Variants in TOP1 observed in about 807,000 individuals in gnomAD.
The protein encoded by TOP1 is DNA topoisomerase I.
Under a neutral mutation model 111.1 loss-of-function variants are expected in TOP1, and 10 were observed. The observed-to-expected ratio is 0.09, with a 90% CI of 0.06 to 0.15. The LOEUF (loss-of-function observed/expected upper bound fraction) is 0.15. Ranked by LOEUF, TOP1 falls within the 10% of genes least tolerant of loss-of-function variation. The pLI is 1.00. For synonymous variants in TOP1, 271 were observed against 302.9 expected (o/e 0.89, Z 1.10); for missense variants, 474 against 926.7 (o/e 0.51, Z 6.34).
At chr20:41,039,040 C>T (rs775778851) in intron 2 of TOP1, among the ~76,000 whole-genome samples, 27 of 151,930 alleles carry the variant, frequency 1.8e-4, no homozygotes, top group Non-Finnish European at 3.7e-4. Context: ...TTAACTTTCT[C>T]CTTTCACACT....
chr20:41,106,954 C>G lies in TOP1; in HGVS notation c.1308+5601C>G, dbSNP rs1294123435. On this transcript the variant is annotated intron_variant, in intron 13 of 20. Transcript: ENST00000361337. This position sits in a 1 kb window ranked among gnomAD's most constrained non-coding sequence, Gnocchi z 4.3. ...AAACCCTAACCCTTTCCCTAGTCAA[C>G]AGCAGTCACAGCCAAATGTTTTATT... Among the ~76,000 whole-genome samples the G allele has an allele frequency of 6.6e-6, 1 of 152,154 alleles. No homozygotes were observed. Among genetic ancestry groups the G allele is most frequent in the Non-Finnish European group, 1.5e-5 (1 of 68,016 alleles).
At position 41,040,934 on chromosome 20, in the gene TOP1, CATTTTACTACAT is replaced by C. The variant is rs1038545173; in HGVS notation, c.58+11485_58+11496del. ...TAGCTAGGTATACTCAATACTTCTCCATTTTACTACATATTTTTAGGAAGGCACTAGGTATTG... is the reference window on the plus strand; with the variant it reads ...TAGCTAGGTATACTCAATACTTCTCCATTTTTAGGAAGGCACTAGGTATTG... On this transcript the variant is annotated intron_variant, in intron 2 of 20. Transcript: ENST00000361337. Among the ~76,000 whole-genome samples the C allele has an allele frequency of 1.7e-4, 26 of 152,116 alleles. No individual in the cohort carries two copies. In the South Asian group the frequency reaches 2.7e-3, roughly 16 times the overall value.
In TOP1 at chr20:41,029,028, G is replaced by T; in HGVS notation, c.-40G>T. On this transcript the variant is annotated 5_prime_UTR_variant, in exon 1 of 21. Transcript: ENST00000361337. This position sits in a 1 kb window ranked among gnomAD's most constrained non-coding sequence, Gnocchi z 6.1. ...GGTTCGCCGTCTGCGTCTCCCCCACGCCGCCTCGCCTGCCGCCGCGCTCGT... is the reference window on the plus strand; with the variant it reads ...GGTTCGCCGTCTGCGTCTCCCCCACTCCGCCTCGCCTGCCGCCGCGCTCGT... 1 of 1,534,996 alleles carries T rather than the reference G, an allele frequency of 6.5e-7. No individual in the cohort carries two copies.
rs368460794 is a variant in TOP1, at chr20:41,052,890, T to C, written c.59-8504T>C. On this transcript the variant is annotated intron_variant, in intron 2 of 20. Coordinates refer to ENST00000361337, the MANE Select transcript of TOP1 (RefSeq NM_003286.4). Reference sequence around the variant, plus strand: ...CTGTAATCCCAGCTACTCGGGAGCCTGAGGCAGGAGAATCTCTTGAACCTG... The same window carrying C: ...CTGTAATCCCAGCTACTCGGGAGCCCGAGGCAGGAGAATCTCTTGAACCTG... 3.5e-4 allele frequency among the ~76,000 whole-genome samples: 53 copies of C among 152,202 alleles called. 1 individual carries two copies. The East Asian group carries it at 4.8e-3, about 14-fold the overall frequency.
chr20:41,113,051 C>G, intron 14 of TOP1, 126 bp downstream of exon 14: 1 of 1,022,080 alleles, frequency 9.8e-7, no homozygotes, highest in Non-Finnish European at 1.4e-6. Flanking sequence ...GTATGTAAAA[C>G]TGAATCAAAA....
In TOP1 at chr20:41,032,597, G is replaced by A. The variant is rs2033134627; in HGVS notation, c.58+3142G>A. 6.6e-6 allele frequency among the ~76,000 whole-genome samples: 1 copy of A among 152,190 alleles called. No individual in the cohort carries two copies. The highest frequency in any genetic ancestry group is 1.5e-5 in the Non-Finnish European group (1 of 68,030). On this transcript the variant is annotated intron_variant, in intron 2 of 20. Transcript: ENST00000361337. The surrounding 1 kb of genome is among the most constrained non-coding windows in gnomAD (Gnocchi z 4.3). The stretch of plus-strand genomic sequence containing the variant: ...TGCCTGTCTGCTATGGAGATAGGGA[G>A]TTCTCCCCCATTTGACCCCCTTAGC...
chr20:41,077,431 C>T (rs991215117), intron 4 of TOP1, 151 bp from the exon 5 acceptor site: 4 of 608,638 alleles, frequency 6.6e-6, no homozygotes, highest in African/African-American at 1.9e-5. Flanking sequence ...GGACACATTT[C>T]AGGACCTTTA....
In TOP1 at chr20:41,061,618, C is replaced by T. The variant is rs552635808; in HGVS notation, c.155+128C>T. 14 of 786,138 alleles carry T rather than the reference C, an allele frequency of 1.8e-5. No homozygotes were observed. Among genetic ancestry groups the T allele is most frequent in the Non-Finnish European group, 2.6e-5 (13 of 496,188 alleles). 48.7% of individuals were successfully genotyped at this position (786,138 alleles called of 1,614,324 possible). A position where few individuals can be genotyped will look rare whatever the true frequency, so the allele number is the denominator to read the frequency against. On this transcript the variant is annotated intron_variant, in intron 3 of 20. Coordinates refer to ENST00000361337, the MANE Select transcript of TOP1 (RefSeq NM_003286.4). The surrounding 1 kb of genome is among the most constrained non-coding windows in gnomAD (Gnocchi z 4.6). ...AAAGTAAGTAGAAACTGTATTTGAT[C>T]CTAGAGTTGCTATGAGGATGGCCAT...
Position 41,032,905 on chromosome 20 carries a change from T to C in TOP1, c.58+3450T>C, listed in dbSNP as rs1224895750. Among the ~76,000 whole-genome samples, 1 of 152,168 alleles carries C rather than the reference T, an allele frequency of 6.6e-6. No individual in the cohort carries two copies. Among genetic ancestry groups the C allele is most frequent in the East Asian group, 1.9e-4 (1 of 5,198 alleles). ...CTACATTTTTAAAACTGAAAAGTGA[T>C]GGTACCGCCAAATGAAATCTGCAGC... On this transcript the variant is annotated intron_variant, in intron 2 of 20. Transcript: ENST00000361337. The surrounding 1 kb of genome is among the most constrained non-coding windows in gnomAD (Gnocchi z 4.3).
chr20:41,087,236 A>G (rs1003146643), intron 8 of TOP1, among the ~76,000 whole-genome samples: 4 of 152,176 alleles, frequency 2.6e-5, no homozygotes, highest in Admixed American at 6.5e-5. Flanking sequence ...CCATAGAAAC[A>G]TTGTTATAAG....
At chr20:41,113,027 A>G in intron 14 of TOP1, 102 bp downstream of exon 14, 3 of 1,182,728 alleles carry the variant, frequency 2.5e-6, no homozygotes, top group Non-Finnish European at 3.5e-6. Context: ...TCACAACTCA[A>G]CATACATATA....
chr20:41,033,363 AAAAAG>A (rs1413202545), intron 2 of TOP1, among the ~76,000 whole-genome samples: 1 of 152,042 alleles, frequency 6.6e-6, no homozygotes, highest in Non-Finnish European at 1.5e-5. Flanking sequence ...AAAAAAAAAA[AAAAAG>A]GAATTGAGTC....
At chr20:41,035,486 A>G (rs1353554982) in intron 2 of TOP1, among the ~76,000 whole-genome samples, 1 of 152,240 alleles carries the variant, frequency 6.6e-6, no homozygotes, top group Non-Finnish European at 1.5e-5. Flanking sequence ...TAAAGCAATC[A>G]GTATTTTTAG....
At chr20:41,099,449 C>T (rs2034028208) in intron 11 of TOP1, among the ~76,000 whole-genome samples, 1 of 152,050 alleles carries the variant, frequency 6.6e-6, no homozygotes, top group Non-Finnish European at 1.5e-5. Flanking sequence ...GAATCTGTTC[C>T]CACCCACAAG....
At chr20:41,119,983 C>T (rs895155638) in intron 18 of TOP1, among the ~76,000 whole-genome samples, 1 of 152,230 alleles carries the variant, frequency 6.6e-6, no homozygotes, top group Non-Finnish European at 1.5e-5. Context: ...TTGTTGCTCT[C>T]GCTCTGGAAC....
rs1464327481 is a variant in TOP1 at position 41,110,213 on chromosome 20, G to C, written c.1309-2569G>C. Among the ~76,000 whole-genome samples, 1 of 152,110 alleles carries C rather than the reference G, an allele frequency of 6.6e-6. No homozygotes were observed. Among genetic ancestry groups the C allele is most frequent in the Non-Finnish European group, 1.5e-5 (1 of 68,016 alleles). ...GACATGGGAATCGCTTGAACCTGAGGGGTAGAGGTTGCACTGAGCCGAGAT... is the reference window on the plus strand; with the variant it reads ...GACATGGGAATCGCTTGAACCTGAGCGGTAGAGGTTGCACTGAGCCGAGAT... On this transcript the variant is annotated intron_variant, in intron 13 of 20. Transcript: ENST00000361337. This position sits in a 1 kb window ranked among gnomAD's most constrained non-coding sequence, Gnocchi z 4.2.
chr20:41,053,787 T>G (rs1003388063), intron 2 of TOP1, among the ~76,000 whole-genome samples: 1 of 152,222 alleles, frequency 6.6e-6, no homozygotes, highest in Admixed American at 6.5e-5. Context: ...TTCTGCCTCC[T>G]TTGTTTCCCT....
chr20:41,095,461 T>G lies in TOP1; in HGVS notation c.731-1759T>G, dbSNP rs138649428. Among the ~76,000 whole-genome samples the G allele has an allele frequency of 3.3e-4, 51 of 152,338 alleles. No individual in the cohort carries two copies. The East Asian group carries it at 9.6e-3, about 29-fold the overall frequency. ...TTATATTGGAAACATGTTACAGTTT[T>G]CTAAAGAAGTTCAGGGAATCTTTTA... On this transcript the variant is annotated intron_variant, in intron 9 of 20. Coordinates refer to ENST00000361337, the MANE Select transcript of TOP1 (RefSeq NM_003286.4). This position sits in a 1 kb window ranked among gnomAD's most constrained non-coding sequence, Gnocchi z 4.6.
chr20:41,115,265 G>GCA lies in TOP1; in HGVS notation c.1639-106_1639-105insCA. 4.2e-6 allele frequency: 3 copies of GCA among 710,162 alleles called. No individual in the cohort carries two copies. The highest frequency in any genetic ancestry group is 7.3e-6 in the Non-Finnish European group (3 of 411,310). The allele number at this position is 710,162 out of a possible 1,614,324, so 44.0% of individuals were successfully genotyped here. On this transcript the variant is annotated intron_variant, in intron 15 of 20. Transcript: ENST00000361337. The surrounding 1 kb of genome is among the most constrained non-coding windows in gnomAD (Gnocchi z 6.3). Reference sequence around the variant, plus strand: ...GTGAATCTCGGTGACGGATGTATGCGTGTTCCTTGTGCCTTTTTCTTTGCA... The same window carrying GCA: ...GTGAATCTCGGTGACGGATGTATGCGCATGTTCCTTGTGCCTTTTTCTTTGCA...
Sources: gnomAD v4.1 joint callset for allele counts (sites outside exome capture counted in the v4.1 genomes callset) on GRCh38, gnomAD v4.1.1 for gene constraint, Gnocchi (gnomAD v3.1) non-coding constraint, MANE v1.5 for transcripts, NCBI Gene and HGNC (gene_info 2026-07-23, HGNC 2026-07-21) for gene names.